WASF1: variants seen among roughly 807,000 people sequenced by gnomAD.
The protein encoded by WASF1 is actin-binding protein WASF1.
A neutral mutation model predicts 50.5 loss-of-function variants in WASF1; 7 were observed. The ratio of observed to expected loss-of-function variants is 0.14; its 90% CI spans 0.08 to 0.26. The LOEUF (loss-of-function observed/expected upper bound fraction) is 0.26. Among genes scored for constraint, WASF1 ranks in the 10% least tolerant of loss-of-function variants. The probability of loss-of-function intolerance (pLI) is 1.00; values close to 1 mark genes in which losing one functional copy is unlikely to be tolerated. For missense variants in WASF1, 470 were observed against 694.7 expected, an observed-to-expected ratio of 0.68 and a Z score of 3.64; for synonymous variants, 205 against 244.0, an observed-to-expected ratio of 0.84 and a Z score of 1.49.
chr6:110,117,361 G>T (rs547829299), intron 4 of WASF1, among the ~76,000 whole-genome samples: 1 of 152,130 alleles, frequency 6.6e-6, no homozygotes, highest in Non-Finnish European at 1.5e-5. Flanking sequence ...ACTTTGTGAC[G>T]CATGCACAAG....
chr6:110,113,305 A>G (rs1204979771), intron 5 of WASF1, 21 bp downstream of exon 5: 1 of 1,514,084 alleles, frequency 6.6e-7, no homozygotes, highest in Non-Finnish European at 8.8e-7. Context: ...GTAGAAGAAA[A>G]TACAATATTA....
chr6:110,179,078 C>G (rs1198559443), intron 1 of WASF1, among the ~76,000 whole-genome samples: 1 of 152,252 alleles, frequency 6.6e-6, no homozygotes, highest in Non-Finnish European at 1.5e-5. Flanking sequence ...GCTACCGCCT[C>G]CCCCGGAAAG....
chr6:110,119,215 C>A (rs1451295449), intron 4 of WASF1, among the ~76,000 whole-genome samples: 2 of 151,084 alleles, frequency 1.3e-5, no homozygotes. Context: ...GAAGGAGACA[C>A]ACAAAAACCC....
At chr6:110,118,757 C>G (rs182052429) in intron 4 of WASF1, among the ~76,000 whole-genome samples, 100 of 152,166 alleles carry the variant, frequency 6.6e-4, no homozygotes, top group Middle Eastern at 3.4e-3. Context: ...CTCAGCATCA[C>G]ATCACACTTA....
chr6:110,153,322 T>C (rs1775907260), intron 3 of WASF1, among the ~76,000 whole-genome samples: 1 of 152,160 alleles, frequency 6.6e-6, no homozygotes, highest in South Asian at 2.1e-4. Context: ...CAAAATAGTT[T>C]AACCAAATCT....
In WASF1 at chr6:110,178,664, T is replaced by G. The variant is rs1454660545; in HGVS notation, c.-193A>C. On this transcript the variant is annotated 5_prime_UTR_variant, in exon 2 of 11. Coordinates refer to ENST00000392589, the MANE Select transcript of WASF1 (RefSeq NM_003931.3). ...AGGACGTGAATGTTGAGATCGGATG[T>G]GCTTTCTTTCATCGTTATTCCAGTT... 2 of 152,676 alleles carry G rather than the reference T, an allele frequency of 1.3e-5. No individual in the cohort carries two copies. Among genetic ancestry groups the G allele is most frequent in the African/African-American group, 2.4e-5 (1 of 41,444 alleles). 9.5% of individuals were successfully genotyped at this position (152,676 alleles called of 1,614,324 possible).
chr6:110,155,395 T>C (rs957778047), intron 3 of WASF1, among the ~76,000 whole-genome samples: 2 of 151,966 alleles, frequency 1.3e-5, no homozygotes, highest in Non-Finnish European at 2.9e-5. Flanking sequence ...AAAGCAAATC[T>C]AGGATCAATA....
chr6:110,140,618 G>A (rs1444680177), intron 3 of WASF1, among the ~76,000 whole-genome samples: 1 of 152,164 alleles, frequency 6.6e-6, no homozygotes, highest in Non-Finnish European at 1.5e-5. Flanking sequence ...AGTGTCTGCT[G>A]AAGAATTAAT....
intron 4 of WASF1, among the ~76,000 whole-genome samples, chr6:110,120,639 C>A (rs1196102205): frequency 6.6e-6 from 1 of 152,148 alleles, no homozygotes; most frequent in African/African-American, 2.4e-5. Context: ...TCAATGCTAT[C>A]CCCATCAAGC....
intron 3 of WASF1, among the ~76,000 whole-genome samples, chr6:110,132,242 T>C (rs1233308038): frequency 6.6e-6 from 1 of 152,046 alleles, no homozygotes; most frequent in Non-Finnish European, 1.5e-5. Context: ...CTAACCTATC[T>C]GCAATTATTT....
chr6:110,124,584 T>G (rs1218391260), intron 4 of WASF1, among the ~76,000 whole-genome samples: 3 of 151,908 alleles, frequency 2.0e-5, no homozygotes, highest in African/African-American at 7.3e-5. Context: ...AAAACAGAAT[T>G]ATGTTCTACT....
At chr6:110,112,625 G>A (rs1005997899) in intron 5 of WASF1, among the ~76,000 whole-genome samples, 1 of 152,140 alleles carries the variant, frequency 6.6e-6, no homozygotes, top group Non-Finnish European at 1.5e-5. Context: ...TACATAGCCA[G>A]GTGTAGTGGC....
At chr6:110,165,696 A>G (rs1029168567) in intron 2 of WASF1, among the ~76,000 whole-genome samples, 2 of 151,682 alleles carry the variant, frequency 1.3e-5, no homozygotes, top group African/African-American at 4.8e-5. Flanking sequence ...TTTTCTAACT[A>G]CTTCTTTCTG....
intron 4 of WASF1, among the ~76,000 whole-genome samples, chr6:110,120,681 A>C (rs200778155): frequency 9.4e-4 from 129 of 136,732 alleles, no homozygotes; most frequent in Middle Eastern, 3.8e-3. Flanking sequence ...AATTGGAAAA[A>C]ACTACTTTAA....
At chr6:110,160,468 G>A (rs537817872) in intron 3 of WASF1, among the ~76,000 whole-genome samples, 167 bp downstream of exon 3, 1 of 151,768 alleles carries the variant, frequency 6.6e-6, no homozygotes, top group East Asian at 1.9e-4. Context: ...AACCACCAAC[G>A]TTTTCTAATC....
At chr6:110,143,527 T>C (rs145547535) in intron 3 of WASF1, among the ~76,000 whole-genome samples, 6 of 152,042 alleles carry the variant, frequency 3.9e-5, no homozygotes, top group African/African-American at 1.4e-4. Flanking sequence ...AAGTACACTA[T>C]CTAAATTCTG....
chr6:110,143,736 C>T (rs942245585), intron 3 of WASF1, among the ~76,000 whole-genome samples: 5 of 152,024 alleles, frequency 3.3e-5, no homozygotes, highest in Admixed American at 2.0e-4. Context: ...TAATCAATGA[C>T]AAGTGATTAA....
intron 8 of WASF1, among the ~76,000 whole-genome samples, chr6:110,103,967 T>G (rs1362980143): frequency 6.6e-6 from 1 of 152,200 alleles, no homozygotes; most frequent in East Asian, 1.9e-4. Flanking sequence ...AAATGAGTTT[T>G]CTACTACTAG....
intron 6 of WASF1, among the ~76,000 whole-genome samples, chr6:110,108,178 C>T (rs1480512202): frequency 1.5e-5 from 2 of 132,638 alleles, no homozygotes; most frequent in Non-Finnish European, 3.3e-5. Context: ...ACAAAACAAG[C>T]AAAAATTATG....
Sources: gnomAD v4.1 joint callset for allele counts (sites outside exome capture counted in the v4.1 genomes callset) on GRCh38, gnomAD v4.1.1 for gene constraint, MANE v1.5 for transcripts, NCBI Gene and HGNC (gene_info 2026-07-23, HGNC 2026-07-21) for gene names.